DLX4: variants seen among roughly 807,000 people sequenced by gnomAD.
DLX4 encodes the protein distal-less homeobox 4.
DLX4 carries 13 observed loss-of-function variants against 17.1 expected under a neutral mutation model. That is an observed-to-expected ratio of 0.76 (90% CI 0.49 to 1.21). The LOEUF (loss-of-function observed/expected upper bound fraction) is 1.21. DLX4 is among the 50% of genes most tolerant of loss of function. The probability of loss-of-function intolerance (pLI) is 0.00; values close to 1 mark genes in which losing one functional copy is unlikely to be tolerated. For synonymous variants in DLX4, 129 were observed against 140.3 expected, an observed-to-expected ratio of 0.92 and a Z score of 0.57; for missense variants, 297 against 301.4, an observed-to-expected ratio of 0.99 and a Z score of 0.11.
Position 49,973,198 on chromosome 17 carries a change from C to A in DLX4, c.409C>A (p.Gln137Lys), listed in dbSNP as rs1905584799. 1.2e-6 allele frequency: 2 copies of A among 1,614,208 alleles called. No individual in the cohort carries two copies. The highest frequency in any genetic ancestry group is 1.7e-6 in the Non-Finnish European group (2 of 1,180,036). ...GCTGCAGCACCTAAACCAGCGTTTC[C>A]AGCACACGCAGTACCTGGCGCTGCC... ...LQLQHLNQRF[Q>K]HTQYLALPER... Residue 137 changes from glutamine (Q) to lysine (K), a missense_variant, in exon 2 of 3, where the codon CAG (glutamine) becomes AAG (lysine). Coordinates refer to ENST00000240306, the MANE Select transcript of DLX4 (RefSeq NM_138281.3).
rs754808200 is a variant in DLX4 at position 49,973,807 on chromosome 17, C to T, written c.587C>T (p.Pro196Leu). Residue 196 changes from proline (P) to leucine (L), a missense_variant, in exon 3 of 3, where the codon CCC (proline) becomes CTC (leucine). Coordinates refer to ENST00000240306, the MANE Select transcript of DLX4 (RefSeq NM_138281.3). ...CCTGGGAGGACCTTCTCTGTGTCTC[C>T]CTGCTCCCCACCCCTCCCCTCCCTC... ...DFPGRTFSVS[P>L]CSPPLPSLWD... is the part of the protein sequence containing the mutation. 23 of 1,605,870 alleles carry T rather than the reference C, an allele frequency of 1.4e-5. No individual in the cohort carries two copies. The highest frequency in any genetic ancestry group is 1.9e-5 in the Non-Finnish European group (22 of 1,175,730).
At chr17:49,973,601 C>T (rs1905605347) in intron 2 of DLX4, 100 bp from the exon 3 acceptor site, 3 of 1,423,794 alleles carry the variant, frequency 2.1e-6, no homozygotes, top group Non-Finnish European at 2.8e-6. Context: ...CTGCTGGTCT[C>T]CCAGGACTGT....
rs185803372 is a variant in DLX4, at chr17:49,971,345, G to A, written c.283+1594G>A. On this transcript the variant is annotated intron_variant, in intron 1 of 2. Coordinates refer to ENST00000240306, the MANE Select transcript of DLX4 (RefSeq NM_138281.3). ...TTGGGCGCTCTAGAGTGGAGGGCAT[G>A]TGATCGAGAGCTTGGGGTCCTCCTT... is the stretch of plus-strand genomic sequence containing the variant. Among the ~76,000 whole-genome samples the A allele has an allele frequency of 5.3e-5, 8 of 152,300 alleles. No individual in the cohort carries two copies. The East Asian group carries it at 5.8e-4, about 11-fold the overall frequency.
Position 49,973,752 on chromosome 17 carries a change from C to A in DLX4, c.532C>A (p.Gln178Lys). Reference sequence around the variant, plus strand: ...CTCCAAGTATAAGAAGCTCCTGAAGCAGAATTCTGGGGGGCAGGAAGGGGA... The same window carrying A: ...CTCCAAGTATAAGAAGCTCCTGAAGAAGAATTCTGGGGGGCAGGAAGGGGA... Reference protein sequence around the residue: ...KRSKYKKLLKQNSGGQEGDFP... With the variant: ...KRSKYKKLLKKNSGGQEGDFP... Residue 178 changes from glutamine (Q) to lysine (K), a missense_variant, in exon 3 of 3, where the codon CAG becomes AAG. Physicochemically the swap from Gln to Lys is moderately conservative, Grantham distance 53. Transcript: ENST00000240306. 1 of 1,537,044 alleles carries A rather than the reference C, an allele frequency of 6.5e-7. No homozygotes were observed. Among genetic ancestry groups the A allele is most frequent in the Non-Finnish European group, 8.8e-7 (1 of 1,142,546 alleles).
intron 2 of DLX4, 167 bp downstream of exon 2, chr17:49,973,436 G>A: frequency 8.6e-7 from 1 of 1,165,904 alleles, no homozygotes; most frequent in Non-Finnish European, 1.2e-6. Context: ...GGGGGAATGT[G>A]TTGAAAGGTG....
chr17:49,972,971 T>G lies in DLX4; in HGVS notation c.284-102T>G, dbSNP rs1451643021. The G allele has an allele frequency of 1.9e-6, 3 of 1,538,748 alleles. No homozygotes were observed. The highest frequency in any genetic ancestry group is 2.6e-6 in the Non-Finnish European group (3 of 1,139,310). On this transcript the variant is annotated intron_variant, in intron 1 of 2. Coordinates refer to ENST00000240306, the MANE Select transcript of DLX4 (RefSeq NM_138281.3). The surrounding 1 kb of genome is among the most constrained non-coding windows in gnomAD (Gnocchi z 5.4). ...GGTGGCTGCGCTTTTTGCTATTTGC[T>G]GCCGACGGCATGCAGACGAGATGCA...
intron 2 of DLX4, 113 bp downstream of exon 2, chr17:49,973,382 C>A: frequency 7.0e-7 from 1 of 1,428,858 alleles, no homozygotes; most frequent in Non-Finnish European, 9.5e-7. Context: ...CCTGTTGTCA[C>A]AGTTCTCCAG....
chr17:49,969,355 G>T lies in DLX4; in HGVS notation c.-114G>T. 1 of 1,218,848 alleles carries T rather than the reference G, an allele frequency of 8.2e-7. No individual in the cohort carries two copies. Among genetic ancestry groups the T allele is most frequent in the Non-Finnish European group, 1.1e-6 (1 of 894,160 alleles). The allele number at this position is 1,218,848 out of a possible 1,614,324, so 75.5% of individuals were successfully genotyped here. A position where few individuals can be genotyped will look rare whatever the true frequency, so the allele number is the denominator to read the frequency against. ...CTTTCTCCGGGATCTTAAGTGTGGG[G>T]GCTGCTGGCTGGGGGGCCCGTCCGG... On this transcript the variant is annotated 5_prime_UTR_variant, in exon 1 of 3. Transcript: ENST00000240306.
In DLX4 at chr17:49,972,881, G is replaced by A. The variant is rs551509878; in HGVS notation, c.284-192G>A. The A allele has an allele frequency of 3.9e-5, 57 of 1,446,784 alleles. No individual in the cohort carries two copies. The South Asian group carries it at 7.6e-4, about 19-fold the overall frequency. 89.6% of individuals were successfully genotyped at this position (1,446,784 alleles called of 1,614,324 possible). On this transcript the variant is annotated intron_variant, in intron 1 of 2. Coordinates refer to ENST00000240306, the MANE Select transcript of DLX4 (RefSeq NM_138281.3). The surrounding 1 kb of genome is among the most constrained non-coding windows in gnomAD (Gnocchi z 5.4). ...AACTGCGTCTTGTATCACCTGGCGC[G>A]GTGAACGTGGGGGTTGAAACGCTCC... is the stretch of plus-strand genomic sequence containing the variant.
chr17:49,973,316 C>T (rs1361289504), intron 2 of DLX4, 47 bp downstream of exon 2: 1 of 1,598,858 alleles, frequency 6.3e-7, no homozygotes, highest in East Asian at 2.3e-5. Context: ...CCCTGGTTCT[C>T]TGGGAACTCA....
rs1905574868 is a variant in DLX4 at position 49,973,066 on chromosome 17, C to T, written c.284-7C>T. The T allele has an allele frequency of 6.2e-7, 1 of 1,613,888 alleles. No homozygotes were observed. The highest frequency in any genetic ancestry group is 1.3e-5 in the African/African-American group (1 of 74,928). The stretch of plus-strand genomic sequence containing the variant: ...CGCCCCCTACACCGTGTTGTGCTGC[C>T]CACCAGACTCGGAGAAGCCGCGGCT... On this transcript the variant is annotated splice_polypyrimidine_tract_variant and splice_region_variant and intron_variant, in intron 1 of 2. Transcript: ENST00000240306.
rs1475703353 is a variant in DLX4, at chr17:49,974,787, C to G, written c.*844C>G. 2 of 152,156 alleles carry G rather than the reference C, an allele frequency of 1.3e-5. No homozygotes were observed. Among genetic ancestry groups the G allele is most frequent in the African/African-American group, 4.8e-5 (2 of 41,422 alleles). 9.4% of individuals were successfully genotyped at this position (152,156 alleles called of 1,614,324 possible). A position where few individuals can be genotyped will look rare whatever the true frequency, so the allele number is the denominator to read the frequency against. On this transcript the variant is annotated 3_prime_UTR_variant, in exon 3 of 3. Transcript: ENST00000240306. The stretch of plus-strand genomic sequence containing the variant: ...ACACTTAGGGGGAAATGGGGACAAA[C>G]TGGCTCTCTGGATTAGTGCGGGTAT...
chr17:49,969,834 G>T, intron 1 of DLX4, 83 bp downstream of exon 1: 1 of 1,072,364 alleles, frequency 9.3e-7, no homozygotes, highest in South Asian at 2.1e-5. Context: ...CTGGTTGGAC[G>T]CAGCTAGCGG....
At position 49,973,739 on chromosome 17, in the gene DLX4, G is replaced by A. The variant is rs983540021; in HGVS notation, c.519G>A (p.Lys173=). ...IWFQNKRSKY[K]KLLKQNSGGQ... is the part of the protein sequence containing the mutation. ...TTCAGAACAAACGCTCCAAGTATAA[G>A]AAGCTCCTGAAGCAGAATTCTGGGG... Residue 173 remains lysine (K), a synonymous_variant, in exon 3 of 3, where the codon AAG becomes AAA. Coordinates refer to ENST00000240306, the MANE Select transcript of DLX4 (RefSeq NM_138281.3). The A allele has an allele frequency of 6.6e-7, 1 of 1,521,182 alleles. No homozygotes were observed. Among genetic ancestry groups the A allele is most frequent in the Non-Finnish European group, 8.8e-7 (1 of 1,134,788 alleles). The allele number at this position is 1,521,182 out of a possible 1,614,324, so 94.2% of individuals were successfully genotyped here.
chr17:49,969,628 C>G lies in DLX4; in HGVS notation c.160C>G (p.Leu54Val). The stretch of plus-strand genomic sequence containing the variant: ...GTCCTACTCCAGGCCGTATGGCCAC[C>G]TCCTGTCTTACCCCTACACCGAGCC... Reference protein sequence around the residue: ...NLSYSRPYGHLLSYPYTEPAN... With the variant: ...NLSYSRPYGHVLSYPYTEPAN... The change falls in exon 1 of 3, where the codon CTC becomes GTC. Residue 54 changes from leucine (L) to valine (V), a missense_variant. Physicochemically the swap from Leu to Val is conservative, Grantham distance 32. Transcript: ENST00000240306. 1 of 1,612,988 alleles carries G rather than the reference C, an allele frequency of 6.2e-7. No individual in the cohort carries two copies. Among genetic ancestry groups the G allele is most frequent in the Non-Finnish European group, 8.5e-7 (1 of 1,179,986 alleles).
In DLX4 at chr17:49,972,991, G is replaced by GT; in HGVS notation, c.284-82_284-81insT. 6.5e-7 allele frequency: 1 copy of GT among 1,549,502 alleles called. No homozygotes were observed. Among genetic ancestry groups the GT allele is most frequent in the South Asian group, 1.2e-5 (1 of 82,730 alleles). On this transcript the variant is annotated intron_variant, in intron 1 of 2. Transcript: ENST00000240306. This position sits in a 1 kb window ranked among gnomAD's most constrained non-coding sequence, Gnocchi z 5.4. Reference sequence around the variant, plus strand: ...TTTGCTGCCGACGGCATGCAGACGAGATGCAAATAAGCTTATGAAACTGTC... The same window carrying GT: ...TTTGCTGCCGACGGCATGCAGACGAGTATGCAAATAAGCTTATGAAACTGTC...
chr17:49,974,248 C>T lies in DLX4; in HGVS notation c.*305C>T, dbSNP rs1347502366. 7.9e-6 allele frequency: 2 copies of T among 252,608 alleles called. No individual in the cohort carries two copies. Among genetic ancestry groups the T allele is most frequent in the East Asian group, 1.5e-4 (2 of 13,770 alleles). 15.6% of individuals were successfully genotyped at this position (252,608 alleles called of 1,614,324 possible). On this transcript the variant is annotated 3_prime_UTR_variant, in exon 3 of 3. Transcript: ENST00000240306. ...GCTGGAGTTGAGACTGTCCCCAGAA[C>T]CCTTGGTCTTGCCACTCCCCCACTC...
chr17:49,971,464 C>A (rs1369630802), intron 1 of DLX4, among the ~76,000 whole-genome samples: 1 of 152,090 alleles, frequency 6.6e-6, no homozygotes, highest in Admixed American at 6.5e-5. Flanking sequence ...GAGCAGCGGG[C>A]CTGGAGGGAG....
At chr17:49,973,577 C>T in intron 2 of DLX4, 124 bp from the exon 3 acceptor site, 2 of 1,291,216 alleles carry the variant, frequency 1.5e-6, no homozygotes, top group African/African-American at 1.5e-5. Flanking sequence ...AGCAAATGTT[C>T]CCAGCCTAGG....
Sources: allele counts gnomAD v4.1 joint callset (sites outside exome capture counted in the v4.1 genomes callset), GRCh38; gene constraint gnomAD v4.1.1; non-coding constraint Gnocchi (gnomAD v3.1); transcripts MANE v1.5; gene names NCBI Gene and HGNC (gene_info 2026-07-23, HGNC 2026-07-21).